VPS13A: variants seen among roughly 807,000 people sequenced by gnomAD.
The protein encoded by VPS13A is vacuolar protein sorting 13 homolog A, also known as intermembrane lipid transfer protein VPS13A.
In VPS13A, 264 loss-of-function variants were observed where a neutral mutation model predicts 390.9. The ratio of observed to expected loss-of-function variants is 0.68; its 90% CI spans 0.61 to 0.75. The LOEUF (loss-of-function observed/expected upper bound fraction) is 0.75. VPS13A is among the 30% of genes least tolerant of loss of function. The probability of loss-of-function intolerance (pLI) is 0.00; values close to 1 mark genes in which losing one functional copy is unlikely to be tolerated. For missense variants in VPS13A, 3,409 were observed against 3,733.9 expected, an observed-to-expected ratio of 0.91 and a Z score of 2.27; for synonymous variants, 1,231 against 1,227.1, an observed-to-expected ratio of 1.00 and a Z score of -0.07.
intron 19 of VPS13A, among the ~76,000 whole-genome samples, chr9:77,239,505 CT>C (rs953439851): frequency 6.6e-6 from 1 of 151,118 alleles, no homozygotes; most frequent in Non-Finnish European, 1.5e-5. Context: ...TCCCTTTGTA[CT>C]TTTTTATTTT....
intron 45 of VPS13A, among the ~76,000 whole-genome samples, chr9:77,324,707 C>A (rs2131459495): frequency 6.6e-6 from 1 of 152,210 alleles, no homozygotes; most frequent in African/African-American, 2.4e-5. Flanking sequence ...TTTCTTGAAT[C>A]TTGCTCTGTG....
At position 77,403,238 on chromosome 9, in the gene VPS13A, C is replaced by A. The variant is rs1413769587; in HGVS notation, c.9192C>A (p.Val3064=). 1.2e-6 allele frequency: 2 copies of A among 1,609,656 alleles called. No individual in the cohort carries two copies. Among genetic ancestry groups the A allele is most frequent in the Middle Eastern group, 1.7e-4 (1 of 5,988 alleles). Residue 3064 remains valine, a splice_region_variant and synonymous_variant, in exon 69 of 72, where the codon GTC becomes GTA. Transcript: ENST00000360280. ...TGTCTCTCACTTTTTTCTTTTAGGT[C>A]ATGGAAAATGGAAGATTTGCAAAAT... ...RDGTGNQMLQ[V]MENGRFAKYK...
Position 77,247,390 on chromosome 9 carries a change from C to T in VPS13A, c.2032C>T (p.Leu678=). Residue 678 remains leucine (L), a synonymous_variant, in exon 20 of 72, where the codon CTA becomes TTA. Coordinates refer to ENST00000360280, the MANE Select transcript of VPS13A (RefSeq NM_033305.3). ...TCTGCTTCTTTTGGACCTTGGTCATCTAAAGGTATATACTAATAATATTTG... is the reference window on the plus strand; with the variant it reads ...TCTGCTTCTTTTGGACCTTGGTCATTTAAAGGTATATACTAATAATATTTG... ...SNLLLLDLGH[L]KVTSKSRSEL... The T allele has an allele frequency of 6.2e-7, 1 of 1,611,726 alleles. No homozygotes were observed. The highest frequency in any genetic ancestry group is 1.1e-5 in the South Asian group (1 of 90,554).
At chr9:77,369,500 G>A in intron 63 of VPS13A, 88 bp downstream of exon 63, 1 of 925,414 alleles carries the variant, frequency 1.1e-6, no homozygotes, top group East Asian at 2.4e-5. Context: ...GAGTTAATAA[G>A]TGCAAACAGA....
chr9:77,294,420 A>G, intron 32 of VPS13A, among the ~76,000 whole-genome samples: 1 of 152,018 alleles, frequency 6.6e-6, no homozygotes, highest in South Asian at 2.1e-4. Flanking sequence ...CCATAACATC[A>G]CTATTCATTC....
rs60382346 is a variant in VPS13A, at chr9:77,306,414, T to TTGTGTGTGTGTGTG, written c.3961-1509_3961-1496dup. 6.2e-3 allele frequency among the ~76,000 whole-genome samples: 870 copies of TTGTGTGTGTGTGTG among 140,862 alleles called. 13 individuals carry two copies. The highest frequency in any genetic ancestry group is 0.02 in the African/African-American group (752 of 37,406). 92.4% of individuals were successfully genotyped at this position (140,862 alleles called of 152,430 possible). ...AGAGAGAGAGAGAGTGTGTGTGTGT[T>TTGTGTGTGTGTGTG]TGTGTGTGTGTGTGTGTGTGTGTGT... is the stretch of plus-strand genomic sequence containing the variant. On this transcript the variant is annotated intron_variant, in intron 34 of 71. Coordinates refer to ENST00000360280, the MANE Select transcript of VPS13A (RefSeq NM_033305.3).
chr9:77,279,911 A>G (rs1826915228), intron 26 of VPS13A: 3 of 270,358 alleles, frequency 1.1e-5, no homozygotes, highest in South Asian at 1.1e-4. Flanking sequence ...CTTACCTCCT[A>G]TCTAGGTTTA....
intron 46 of VPS13A, among the ~76,000 whole-genome samples, chr9:77,334,768 T>A (rs1191142335): frequency 6.6e-6 from 1 of 152,164 alleles, no homozygotes; most frequent in Non-Finnish European, 1.5e-5. Flanking sequence ...TTGGAAAAAA[T>A]TAAGGTTTTG....
At chr9:77,248,221 CTT>C (rs573817659) in intron 20 of VPS13A, among the ~76,000 whole-genome samples, 3 of 143,124 alleles carry the variant, frequency 2.1e-5, no homozygotes, top group Non-Finnish European at 1.5e-5. Context: ...TTTTTTCTTT[CTT>C]TTTTTTTTTT....
chr9:77,205,932 T>C (rs1004695261), intron 4 of VPS13A, 46 bp from the exon 5 acceptor site: 1 of 1,376,852 alleles, frequency 7.3e-7, no homozygotes, highest in Non-Finnish European at 1.0e-6. Context: ...ATGACTATAT[T>C]TAAATTTAAG....
chr9:77,259,508 G>A (rs1825637726), intron 22 of VPS13A, among the ~76,000 whole-genome samples: 1 of 152,018 alleles, frequency 6.6e-6, no homozygotes, highest in Non-Finnish European at 1.5e-5. Flanking sequence ...GAAAATGCAG[G>A]GATAAAAATG....
At chr9:77,359,542 ATGT>A (rs1832020697) in intron 58 of VPS13A, 140 bp downstream of exon 58, 1 of 874,210 alleles carries the variant, frequency 1.1e-6, no homozygotes, top group African/African-American at 1.7e-5. Context: ...AAAAAATATA[ATGT>A]TGTGGCTCAC....
Position 77,340,170 on chromosome 9 carries a change from T to C in VPS13A, c.6775-8T>C, listed in dbSNP as rs2131507141. On this transcript the variant is annotated splice_region_variant and splice_polypyrimidine_tract_variant and intron_variant, in intron 48 of 71. Coordinates refer to ENST00000360280, the MANE Select transcript of VPS13A (RefSeq NM_033305.3). The stretch of plus-strand genomic sequence containing the variant: ...AATTGTGATGTATTTGGAATATTTT[T>C]TTCCTAGGTTCAACTTATGGTAACT... 6.2e-7 allele frequency: 1 copy of C among 1,610,972 alleles called. No individual in the cohort carries two copies. The highest frequency in any genetic ancestry group is 8.5e-7 in the Non-Finnish European group (1 of 1,177,890).
At chr9:77,370,232 A>G (rs1321385820) in intron 63 of VPS13A, 25 bp from the exon 64 acceptor site, 1 of 1,612,716 alleles carries the variant, frequency 6.2e-7, no homozygotes, top group Admixed American at 1.7e-5. Context: ...TCACTCACTC[A>G]TTTATTTACT....
chr9:77,366,529 G>A (rs1832439865), intron 60 of VPS13A, among the ~76,000 whole-genome samples, 198 bp from the exon 61 acceptor site: 1 of 151,980 alleles, frequency 6.6e-6, no homozygotes, highest in South Asian at 2.1e-4. Flanking sequence ...ATCTTAAATT[G>A]TTGAATTGAA....
intron 35 of VPS13A, among the ~76,000 whole-genome samples, chr9:77,312,669 C>T (rs1041671288): frequency 3.3e-5 from 5 of 152,112 alleles, no homozygotes; most frequent in African/African-American, 1.2e-4. Flanking sequence ...CCTGCCTTGG[C>T]CTCCCAAAGT....
intron 10 of VPS13A, among the ~76,000 whole-genome samples, chr9:77,219,351 A>G (rs17785835): frequency 0.055 from 8,322 of 152,286 alleles, 338 homozygotes; most frequent in South Asian, 0.12. Context: ...TTAATGATGG[A>G]TCTTTGTCTA....
At chr9:77,191,589 G>A (rs1156322768) in intron 1 of VPS13A, among the ~76,000 whole-genome samples, 6 of 152,062 alleles carry the variant, frequency 3.9e-5, no homozygotes, top group East Asian at 1.9e-4. Context: ...ATGAGCCACC[G>A]TGCCTGGCCC....
chr9:77,307,103 C>T (rs375119112), intron 34 of VPS13A, among the ~76,000 whole-genome samples: 2 of 151,900 alleles, frequency 1.3e-5, no homozygotes, highest in South Asian at 2.1e-4. Flanking sequence ...GGGGTTTCAC[C>T]GTGTTGGCTG....
Sources: gnomAD v4.1 joint callset for allele counts (sites outside exome capture counted in the v4.1 genomes callset) on GRCh38, gnomAD v4.1.1 for gene constraint, MANE v1.5 for transcripts, NCBI Gene and HGNC (gene_info 2026-07-23, HGNC 2026-07-21) for gene names.